Variants in APOC1 observed in about 807,000 individuals in gnomAD.
APOC1 encodes the protein apolipoprotein C1.
Under a neutral mutation model 6.7 loss-of-function variants are expected in APOC1, and 4 were observed. The observed-to-expected ratio is 0.60, with a 90% CI of 0.29 to 1.37. The LOEUF is 1.37. Among genes scored for constraint, APOC1 ranks in the 40% most tolerant of loss-of-function variants. The pLI is 0.09. For missense variants in APOC1, 122 were observed against 99.4 expected, an observed-to-expected ratio of 1.23 and a Z score of -0.97; for synonymous variants, 33 against 40.6, an observed-to-expected ratio of 0.81 and a Z score of 0.72.
chr19:44,916,966 T>C (rs1364148019), intron 3 of APOC1, among the ~76,000 whole-genome samples: 1 of 147,920 alleles, frequency 6.8e-6, no homozygotes, highest in African/African-American at 2.5e-5. Flanking sequence ...CCTGTCTCCA[T>C]TTAAAAAAAA....
At chr19:44,915,917 C>A (rs901313641) in intron 2 of APOC1, among the ~76,000 whole-genome samples, 8 of 151,680 alleles carry the variant, frequency 5.3e-5, no homozygotes, top group Non-Finnish European at 8.8e-5. Context: ...TGCAGTGAGC[C>A]GAGATCATAC....
At chr19:44,914,799 A>G in intron 1 of APOC1, 66 bp downstream of exon 1, 1 of 1,305,378 alleles carries the variant, frequency 7.7e-7, no homozygotes, top group Non-Finnish European at 1.1e-6. Context: ...AAGGGAGATG[A>G]GGGGATCGTG....
At position 44,916,190 on chromosome 19, in the gene APOC1, G is replaced by A; in HGVS notation, c.59G>A (p.Gly20Asp). The change falls in exon 3 of 4, where the codon GGC becomes GAC. Residue 20 changes from glycine (G) to aspartate (D), a missense_variant and splice_region_variant. By Grantham distance (94) the Gly-to-Asp change is moderately conservative. Coordinates refer to ENST00000592535, the MANE Select transcript of APOC1 (RefSeq NM_001645.5). ...LVVVLSIVLE[G>D]PAPAQGTPDV... ...GAACCCCTGCCCATCTTCCTGGCAG[G>A]CCCAGCCCCAGCCCAGGGGACCCCA... 6.5e-7 allele frequency: 1 copy of A among 1,547,758 alleles called. No homozygotes were observed. The highest frequency in any genetic ancestry group is 8.7e-7 in the Non-Finnish European group (1 of 1,147,218).
In APOC1 at chr19:44,916,309, C is replaced by A. The variant is rs1158302449; in HGVS notation, c.178C>A (p.Leu60Ile). 3 of 1,613,858 alleles carry A rather than the reference C, an allele frequency of 1.9e-6. No homozygotes were observed. The highest frequency in any genetic ancestry group is 1.7e-5 in the Admixed American group (1 of 59,938). Residue 60 changes from leucine to isoleucine, a missense_variant, in exon 3 of 4, where the codon CTT (leucine) becomes ATT (isoleucine). By Grantham distance (5) the Leu-to-Ile change is conservative. Coordinates refer to ENST00000592535, the MANE Select transcript of APOC1 (RefSeq NM_001645.5). ...CATCAGCCGCATCAAACAGAGTGAA[C>A]TTTCTGCCAAGATGCGGTTAGAACC... is the stretch of plus-strand genomic sequence containing the variant. ...ELISRIKQSE[L>I]SAKMREWFSE...
intron 3 of APOC1, among the ~76,000 whole-genome samples, chr19:44,917,502 C>T (rs1435591415): frequency 6.6e-6 from 1 of 151,918 alleles, no homozygotes; most frequent in African/African-American, 2.4e-5. Flanking sequence ...TGCTTGAGCC[C>T]AGGAGATCTA....
At chr19:44,918,498 A>T (rs1428441454) in intron 3 of APOC1, among the ~76,000 whole-genome samples, 2 of 150,540 alleles carry the variant, frequency 1.3e-5, no homozygotes, top group Non-Finnish European at 3.0e-5. Flanking sequence ...AGTAGCTGGG[A>T]CTACAGGCAC....
At chr19:44,916,824 A>AAG (rs1970018402) in intron 3 of APOC1, among the ~76,000 whole-genome samples, 1 of 149,576 alleles carries the variant, frequency 6.7e-6, no homozygotes, top group Non-Finnish European at 1.5e-5. Flanking sequence ...AAAAAAAAAA[A>AAG]AAAAAAAAAA....
intron 3 of APOC1, among the ~76,000 whole-genome samples, chr19:44,917,318 C>T (rs930709260): frequency 1.3e-5 from 2 of 152,130 alleles, no homozygotes; most frequent in African/African-American, 2.4e-5. Flanking sequence ...AAGAACGTGC[C>T]GAGCACGGTG....
chr19:44,917,513 G>T (rs1970030152), intron 3 of APOC1, among the ~76,000 whole-genome samples: 1 of 152,092 alleles, frequency 6.6e-6, no homozygotes, highest in African/African-American at 2.4e-5. Flanking sequence ...AGGAGATCTA[G>T]GCTGCAGTGC....
At chr19:44,917,988 A>T (rs1192692505) in intron 3 of APOC1, among the ~76,000 whole-genome samples, 5 of 148,788 alleles carry the variant, frequency 3.4e-5, no homozygotes, top group African/African-American at 1.0e-4. Flanking sequence ...AAGAAAAAAA[A>T]CTCCTGGCGC....
rs1278534974 is a variant in APOC1, at chr19:44,919,250, C to T, written c.*20C>T. ...TCATGAGGACCTGAAGGGTGACATCCCAGGAGGGGCCTCTGAAATTTCCCA... is the reference window on the plus strand; with the variant it reads ...TCATGAGGACCTGAAGGGTGACATCTCAGGAGGGGCCTCTGAAATTTCCCA... On this transcript the variant is annotated 3_prime_UTR_variant, in exon 4 of 4. Transcript: ENST00000592535. The T allele has an allele frequency of 3.1e-6, 5 of 1,611,214 alleles. No homozygotes were observed. The South Asian group carries it at 5.5e-5, about 18-fold the overall frequency.
intron 2 of APOC1, among the ~76,000 whole-genome samples, chr19:44,915,847 T>G (rs1421759220): frequency 1.3e-5 from 2 of 151,916 alleles, no homozygotes; most frequent in Non-Finnish European, 2.9e-5. Context: ...CACGCGCCTG[T>G]AGGCCCAGCT....
Position 44,914,875 on chromosome 19 carries a change from G to C in APOC1, c.-17G>C, listed in dbSNP as rs760258275. ...GAACCCCTGCCTCTGCCTCCAGAGTGCCCCTCCGGCCTCGCCATGAGGCTC... is the reference window on the plus strand; with the variant it reads ...GAACCCCTGCCTCTGCCTCCAGAGTCCCCCTCCGGCCTCGCCATGAGGCTC... On this transcript the variant is annotated 5_prime_UTR_variant, in exon 2 of 4. Transcript: ENST00000592535. 2 of 1,613,550 alleles carry C rather than the reference G, an allele frequency of 1.2e-6. No homozygotes were observed. Among genetic ancestry groups the C allele is most frequent in the Admixed American group, 3.3e-5 (2 of 59,966 alleles).
chr19:44,918,018 C>T (rs1007484902), intron 3 of APOC1, among the ~76,000 whole-genome samples: 3 of 151,714 alleles, frequency 2.0e-5, no homozygotes, highest in African/African-American at 7.3e-5. Context: ...CGCCAGTAAT[C>T]CCAGCACTGT....
chr19:44,917,867 G>A (rs1469002626), intron 3 of APOC1, among the ~76,000 whole-genome samples: 3 of 151,972 alleles, frequency 2.0e-5, no homozygotes, highest in East Asian at 1.9e-4. Flanking sequence ...CTAGCTACTC[G>A]GGAGCCTGAG....
intron 2 of APOC1, 43 bp from the exon 3 acceptor site, chr19:44,916,147 A>AC (rs1970000890): frequency 6.6e-7 from 1 of 1,507,438 alleles, no homozygotes; most frequent in African/African-American, 1.5e-5. Flanking sequence ...CAAAAAAAAA[A>AC]AAAAAAAAAC....
intron 3 of APOC1, 146 bp from the exon 4 acceptor site, chr19:44,919,027 C>T (rs1970056361): frequency 1.3e-6 from 1 of 751,236 alleles, no homozygotes; most frequent in East Asian, 2.5e-5. Flanking sequence ...AGTTGGCCCA[C>T]CCAGCCCAGC....
At chr19:44,915,947 TG>T (rs1253497607) in intron 2 of APOC1, among the ~76,000 whole-genome samples, 1 of 148,350 alleles carries the variant, frequency 6.7e-6, no homozygotes, top group African/African-American at 2.5e-5. Context: ...CCAGCCTGGC[TG>T]ACACAGCAAG....
At chr19:44,915,115 C>G (rs1447245610) in intron 2 of APOC1, 166 bp downstream of exon 2, 4 of 680,636 alleles carry the variant, frequency 5.9e-6, no homozygotes, top group African/African-American at 3.6e-5. Context: ...CAGGCTCAGT[C>G]CCGCAGGCGC....
Sources: allele counts gnomAD v4.1 joint callset (sites outside exome capture counted in the v4.1 genomes callset), GRCh38; gene constraint gnomAD v4.1.1; transcripts MANE v1.5; gene names NCBI Gene and HGNC (gene_info 2026-07-23, HGNC 2026-07-21).